SLC38A10: variants seen among roughly 807,000 people sequenced by gnomAD.
SLC38A10 encodes solute carrier family 38 member 10.
A neutral mutation model predicts 81.0 loss-of-function variants in SLC38A10; 53 were observed. The observed-to-expected ratio is 0.65, with a 90% CI of 0.53 to 0.82. The LOEUF (loss-of-function observed/expected upper bound fraction) is 0.82, where lower values mean the gene tolerates loss of function less well. SLC38A10 is among the 40% of genes least tolerant of loss of function. SLC38A10 has a pLI of 0.00. For synonymous variants in SLC38A10, 665 were observed against 655.3 expected (o/e 1.01, Z -0.23); for missense variants, 1,471 against 1,545.0 (o/e 0.95, Z 0.80).
intron 10 of SLC38A10, chr17:81,263,203 T>C (rs1047160831): frequency 3.3e-5 from 5 of 152,104 alleles, no homozygotes; most frequent in Admixed American, 3.3e-4. Context: ...AAACACACTG[T>C]GGAGAAGTGG....
In SLC38A10 at chr17:81,283,748, G is replaced by T. The variant is rs560216467; in HGVS notation, c.264-246C>A. On this transcript the variant is annotated intron_variant, in intron 3 of 15. Transcript: ENST00000374759. This position sits in a 1 kb window ranked among gnomAD's most constrained non-coding sequence, Gnocchi z 4.7. ...CCTGCCTCAGCCTCCCGAGTAGCTG[G>T]GAGTAGCCGAGTAGCCACGCCCGGC... is the stretch of plus-strand genomic sequence containing the variant. 6.6e-6 allele frequency among the ~76,000 whole-genome samples: 1 copy of T among 152,048 alleles called. No individual in the cohort carries two copies. The highest frequency in any genetic ancestry group is 2.0e-4 in the East Asian group (1 of 5,126).
At chr17:81,292,459 C>CAAAA (rs370234099) in intron 1 of SLC38A10, among the ~76,000 whole-genome samples, 2 of 144,582 alleles carry the variant, frequency 1.4e-5, no homozygotes, top group African/African-American at 5.0e-5. Flanking sequence ...ACTACTAAAA[C>CAAAA]AAAAAAAAAA....
intron 10 of SLC38A10, chr17:81,263,066 CCT>C: frequency 6.6e-6 from 1 of 152,348 alleles, no homozygotes; most frequent in Non-Finnish European, 1.5e-5. Context: ...TGCAGAGCGC[CCT>C]GAGTGCGAAG....
At chr17:81,249,560 A>AG (rs2062891347) in intron 14 of SLC38A10, among the ~76,000 whole-genome samples, 1 of 119,712 alleles carries the variant, frequency 8.4e-6, no homozygotes, top group African/African-American at 3.2e-5. Flanking sequence ...AAAGAGGGGG[A>AG]GGGGGGAAGG....
chr17:81,258,639 G>C (rs2062993928), intron 11 of SLC38A10, among the ~76,000 whole-genome samples: 1 of 152,094 alleles, frequency 6.6e-6, no homozygotes, highest in East Asian at 1.9e-4. Context: ...CTGGACTCTA[G>C]CTCCCAGGCT....
intron 10 of SLC38A10, among the ~76,000 whole-genome samples, chr17:81,266,010 A>G (rs535017663): frequency 6.6e-6 from 1 of 152,314 alleles, no homozygotes; most frequent in African/African-American, 2.4e-5. Context: ...TCTTTCACCC[A>G]ATTCTGTGTG....
In SLC38A10 at chr17:81,251,109, G is replaced by A. The variant is rs1390636052; in HGVS notation, c.2065+384C>T. The A allele has an allele frequency of 4.6e-6, 7 of 1,505,814 alleles. No individual in the cohort carries two copies. The African/African-American group carries it at 5.6e-5, about 12-fold the overall frequency. 93.3% of individuals were successfully genotyped at this position (1,505,814 alleles called of 1,614,324 possible). On this transcript the variant is annotated intron_variant, in intron 14 of 15. Coordinates refer to ENST00000374759, the MANE Select transcript of SLC38A10 (RefSeq NM_001037984.3). ...AACCTCCACATCTGGGTGCAGGCAC[G>A]CCCACACCTGGCTGGCTTTAAATAC...
chr17:81,252,397 TG>T lies in SLC38A10; in HGVS notation c.1742del (p.Pro581GlnfsTer124). Reference protein sequence around the residue: ...GDLPEDPQKVPEADGQPAVQP... With the variant: ...GDLPEDPQKVXEADGQPAVQP... ...GGACAGCTGGCTGACCATCTGCTTC[TG>T]GAACTTTCTGGGGATCTTCAGGAAG... On this transcript the variant is annotated frameshift_variant, in exon 13 of 16. Transcript: ENST00000374759. LOFTEE classifies it high-confidence loss of function. The T allele has an allele frequency of 6.2e-7, 1 of 1,613,244 alleles. No homozygotes were observed. The highest frequency in any genetic ancestry group is 8.5e-7 in the Non-Finnish European group (1 of 1,180,022).
rs1488243951 is a variant in SLC38A10, at chr17:81,283,845, T to TG, written c.264-344dup. Among the ~76,000 whole-genome samples the TG allele has an allele frequency of 6.6e-6, 1 of 151,202 alleles. No homozygotes were observed. The highest frequency in any genetic ancestry group is 6.6e-5 in the Admixed American group (1 of 15,212). ...AGGATGGTCTCGATCTCCTGACCTC[T>TG]GTGATCCGCCTGCCTCAGCCTCCCA... On this transcript the variant is annotated intron_variant, in intron 3 of 15. Coordinates refer to ENST00000374759, the MANE Select transcript of SLC38A10 (RefSeq NM_001037984.3). The surrounding 1 kb of genome is among the most constrained non-coding windows in gnomAD (Gnocchi z 4.7).
chr17:81,260,867 A>C (rs1443452329), intron 10 of SLC38A10, among the ~76,000 whole-genome samples: 1 of 152,252 alleles, frequency 6.6e-6, no homozygotes, highest in Non-Finnish European at 1.5e-5. Context: ...ACCTCCAGGC[A>C]GACTTGAGCG....
At position 81,265,488 on chromosome 17, in the gene SLC38A10, T is replaced by A. The variant is rs1412809982; in HGVS notation, c.1132-5094A>T. ...CCTGGTTGATCTTCTGAGGACGAGC[T>A]GGAACATTCCTTCTTTTTCACGTCT... On this transcript the variant is annotated intron_variant, in intron 10 of 15. Transcript: ENST00000374759. This position sits in a 1 kb window ranked among gnomAD's most constrained non-coding sequence, Gnocchi z 4.2. The A allele has an allele frequency of 6.6e-6, 1 of 152,302 alleles. No homozygotes were observed. The highest frequency in any genetic ancestry group is 2.4e-5 in the African/African-American group (1 of 41,468). The allele number at this position is 152,302 out of a possible 1,614,324, so 9.4% of individuals were successfully genotyped here. A position where few individuals can be genotyped will look rare whatever the true frequency, so the allele number is the denominator to read the frequency against.
At position 81,275,521 on chromosome 17, in the gene SLC38A10, CAGG is replaced by C. The variant is rs2063152204; in HGVS notation, c.912+445_912+447del. Among the ~76,000 whole-genome samples, 4 of 151,694 alleles carry C rather than the reference CAGG, an allele frequency of 2.6e-5. No homozygotes were observed. The South Asian group carries it at 6.2e-4, about 24-fold the overall frequency. On this transcript the variant is annotated intron_variant, in intron 8 of 15. Coordinates refer to ENST00000374759, the MANE Select transcript of SLC38A10 (RefSeq NM_001037984.3). The stretch of plus-strand genomic sequence containing the variant: ...GGCCGAGACGGGCGGATCACGAGGT[CAGG>C]AGATCGAGACCATCCTGGCTAACAC...
rs1430457216 is a variant in SLC38A10 at position 81,260,337 on chromosome 17, C to A, written c.1189G>T (p.Val397Leu). Reference sequence around the variant, plus strand: ...AAGTCCTCGGGGACCTCCTCGCTCACAGACAGTGTGGTGACAGTGCTCACC... The same window carrying A: ...AAGTCCTCGGGGACCTCCTCGCTCAAAGACAGTGTGGTGACAGTGCTCACC... ...LVVSTVTTLSVSEEVPEDLAE... is the reference protein window; with the variant it reads ...LVVSTVTTLSLSEEVPEDLAE... The change falls in exon 11 of 16, where the codon GTG becomes TTG. Residue 397 changes from valine (V) to leucine (L), a missense_variant. Physicochemically the swap from Val to Leu is conservative, Grantham distance 32. Transcript: ENST00000374759. 1.2e-6 allele frequency: 2 copies of A among 1,610,324 alleles called. No individual in the cohort carries two copies. Among genetic ancestry groups the A allele is most frequent in the Non-Finnish European group, 1.7e-6 (2 of 1,178,940 alleles).
rs202150925 is a variant in SLC38A10 at position 81,252,666 on chromosome 17, C to A, written c.1474G>T (p.Gly492Cys). ...GGAGGCTCGTGGCGGTGGGCCTCGC[C>A]CACAGGCACAGCAATCCCTGCAAGG... ...RPGQGIAVPV[G>C]EAHRHEPPVP... Residue 492 changes from glycine (G) to cysteine (C), a missense_variant, in exon 13 of 16, where the codon GGC becomes TGC. Gly to Cys is a radical substitution (Grantham distance 159). Around this residue, in one of 2 missense-constraint regions of SLC38A10, gnomAD observed 720 missense variants for 827.7 expected, o/e 0.87. Transcript: ENST00000374759. 77 of 1,605,014 alleles carry A rather than the reference C, an allele frequency of 4.8e-5. No homozygotes were observed. Among genetic ancestry groups the A allele is most frequent in the Non-Finnish European group, 6.4e-5 (75 of 1,178,558 alleles).
In SLC38A10 at chr17:81,295,151, G is replaced by C; in HGVS notation, c.-230C>G. On this transcript the variant is annotated 5_prime_UTR_variant, in exon 1 of 16. Coordinates refer to ENST00000374759, the MANE Select transcript of SLC38A10 (RefSeq NM_001037984.3). Reference sequence around the variant, plus strand: ...GGCTGCGGGGGCGAGGTCAACCTCCGGACCCCGCCAAGCCCTGCGGCCGCC... The same window carrying C: ...GGCTGCGGGGGCGAGGTCAACCTCCCGACCCCGCCAAGCCCTGCGGCCGCC... 1 of 598,126 alleles carries C rather than the reference G, an allele frequency of 1.7e-6. No homozygotes were observed. Among genetic ancestry groups the C allele is most frequent in the Non-Finnish European group, 2.3e-6 (1 of 433,414 alleles). The allele number at this position is 598,126 out of a possible 1,614,324, so 37.1% of individuals were successfully genotyped here. A position where few individuals can be genotyped will look rare whatever the true frequency, so the allele number is the denominator to read the frequency against.
At chr17:81,257,182 C>A (rs1395375476) in intron 11 of SLC38A10, among the ~76,000 whole-genome samples, 1 of 152,184 alleles carries the variant, frequency 6.6e-6, no homozygotes, top group African/African-American at 2.4e-5. Flanking sequence ...TGCAGTGGTG[C>A]CATCTCGGCT....
In SLC38A10 at chr17:81,289,772, A is replaced by G. The variant is rs1011949602; in HGVS notation, c.136T>C (p.Cys46Arg). Reference sequence around the variant, plus strand: ...CACGACTGGTGCGTCATCCATGAGCAGAAGACCAAGAGCAGCGCCCCCAGG... The same window carrying G: ...CACGACTGGTGCGTCATCCATGAGCGGAAGACCAAGAGCAGCGCCCCCAGG... Reference protein sequence around the residue: ...IVLGALLLVFCSWMTHQSCMF... With the variant: ...IVLGALLLVFRSWMTHQSCMF... The change falls in exon 2 of 16, where the codon TGC (cysteine) becomes CGC (arginine). Residue 46 changes from cysteine to arginine, a missense_variant. This residue lies in a region of SLC38A10 where 720 missense variants were observed against 827.7 expected (regional missense o/e 0.87). Transcript: ENST00000374759. The surrounding 1 kb of genome is among the most constrained non-coding windows in gnomAD (Gnocchi z 5.9). The G allele has an allele frequency of 6.2e-7, 1 of 1,609,162 alleles. No homozygotes were observed. Among genetic ancestry groups the G allele is most frequent in the African/African-American group, 1.3e-5 (1 of 74,852 alleles).
rs761236055 is a variant in SLC38A10 at position 81,246,459 on chromosome 17, G to A, written c.2457C>T (p.Asp819=). ...PVGRDPAGPP[D]GGPDTEPRAA... ...CCCGAGGCTCTGTGTCAGGGCCGCC[G>A]TCAGGAGGGCCAGCAGGGTCTCTGC... The change falls in exon 16 of 16, where the codon GAC becomes GAT. Residue 819 remains aspartate, a synonymous_variant. Transcript: ENST00000374759. 52 of 1,582,358 alleles carry A rather than the reference G, an allele frequency of 3.3e-5. No individual in the cohort carries two copies. Among genetic ancestry groups the A allele is most frequent in the South Asian group, 2.5e-4 (22 of 86,980 alleles).
In SLC38A10 at chr17:81,246,924, G is replaced by C; in HGVS notation, c.2203C>G (p.Gln735Glu). Residue 735 changes from glutamine to glutamate, a missense_variant, in exon 15 of 16, where the codon CAG becomes GAG. Physicochemically the swap from Gln to Glu is conservative, Grantham distance 29. Transcript: ENST00000374759. ...VIEEQHKEIH[Q>E]QRQEDEEDKP... ...TCCTCCTCGTCCTCCTGCCTCTGCTGGTGGATCTCCTTGTGCTGCTCCTCG... is the reference window on the plus strand; with the variant it reads ...TCCTCCTCGTCCTCCTGCCTCTGCTCGTGGATCTCCTTGTGCTGCTCCTCG... 2 of 1,606,054 alleles carry C rather than the reference G, an allele frequency of 1.2e-6. No homozygotes were observed. Among genetic ancestry groups the C allele is most frequent in the Non-Finnish European group, 1.7e-6 (2 of 1,177,798 alleles).
Sources: allele counts gnomAD v4.1 joint callset (sites outside exome capture counted in the v4.1 genomes callset), GRCh38; gene constraint gnomAD v4.1.1; regional missense constraint gnomAD v4.1.1; non-coding constraint Gnocchi (gnomAD v3.1); transcripts MANE v1.5; gene names NCBI Gene and HGNC (gene_info 2026-07-23, HGNC 2026-07-21).